IPPK: variants seen among roughly 807,000 people sequenced by gnomAD.
IPPK encodes the protein inositol-pentakisphosphate 2-kinase, also known as IPK1 homolog.
A neutral mutation model predicts 64.6 loss-of-function variants in IPPK; 22 were observed. The ratio of observed to expected loss-of-function variants is 0.34; its 90% confidence interval spans 0.24 to 0.49. The LOEUF is 0.49. IPPK is among the 20% of genes least tolerant of loss of function. The pLI is 0.99. For synonymous variants in IPPK, 262 were observed against 247.2 expected (o/e 1.06, Z -0.56); for missense variants, 532 against 630.7 (o/e 0.84, Z 1.68).
At chr9:92,629,666 C>T (rs1316727596) in intron 11 of IPPK, among the ~76,000 whole-genome samples, 1 of 146,056 alleles carries the variant, frequency 6.8e-6, no homozygotes, top group Non-Finnish European at 1.5e-5. Context: ...TGAGATTGCA[C>T]TACTGCACTT....
chr9:92,656,223 C>T (rs1023362014), intron 3 of IPPK, among the ~76,000 whole-genome samples: 4 of 152,214 alleles, frequency 2.6e-5, no homozygotes, highest in African/African-American at 9.6e-5. Flanking sequence ...CTGGCAGAGA[C>T]GGGCCCTGGA....
At position 92,638,115 on chromosome 9, in the gene IPPK, C is replaced by T; in HGVS notation, c.802G>A (p.Val268Met). ...CCCTTGTCCGAGCCACTCAGCAGCA[C>T]CCGTGTGATCACGTGCACCAGCTCC... ...IRELVHVITR[V>M]LLSGSDKGRA... The change falls in exon 9 of 13, where the codon GTG becomes ATG. Residue 268 changes from valine (V) to methionine (M), a missense_variant. Transcript: ENST00000287996. 6.2e-7 allele frequency: 1 copy of T among 1,614,108 alleles called. No homozygotes were observed. Among genetic ancestry groups the T allele is most frequent in the Non-Finnish European group, 8.5e-7 (1 of 1,180,008 alleles).
chr9:92,649,331 A>T (rs1852210372), intron 5 of IPPK, 122 bp downstream of exon 5: 1 of 1,134,834 alleles, frequency 8.8e-7, no homozygotes, highest in Non-Finnish European at 1.3e-6. Context: ...AGTTTCCAGG[A>T]GCCAAGGGTG....
At chr9:92,632,131 CAT>C (rs1034416945) in intron 11 of IPPK, among the ~76,000 whole-genome samples, 4 of 152,194 alleles carry the variant, frequency 2.6e-5, no homozygotes, top group Admixed American at 6.5e-5. Flanking sequence ...CGTGGAAAGA[CAT>C]GTGGGTGGTT....
intron 11 of IPPK, among the ~76,000 whole-genome samples, chr9:92,624,627 C>CT (rs1005362981): frequency 3.3e-5 from 5 of 152,088 alleles, no homozygotes; most frequent in African/African-American, 1.2e-4. Context: ...AAATGAAACT[C>CT]TGTCTCAAAA....
At chr9:92,663,948 G>A (rs1419979974) in intron 1 of IPPK, among the ~76,000 whole-genome samples, 7 of 152,358 alleles carry the variant, frequency 4.6e-5, no homozygotes, top group African/African-American at 1.7e-4. Context: ...TAGAAGCAAT[G>A]CTCAGCTCCA....
rs1307957254 is a variant in IPPK, at chr9:92,635,267, G to A, written c.958C>T (p.Leu320Phe). The stretch of plus-strand genomic sequence containing the variant: ...TGCACCTGGAGGGTTTTGTACAGAA[G>A]ACAGCCCTTCGGTAACCCCGAGCGC... ...PERSGLPKGC[L>F]LYKTLQVQML... The change falls in exon 10 of 13, where the codon CTT becomes TTT. Residue 320 changes from leucine to phenylalanine, a missense_variant. Transcript: ENST00000287996. The surrounding 1 kb of genome is among the most constrained non-coding windows in gnomAD (Gnocchi z 4.4). 6.2e-7 allele frequency: 1 copy of A among 1,614,192 alleles called. No homozygotes were observed. Among genetic ancestry groups the A allele is most frequent in the Non-Finnish European group, 8.5e-7 (1 of 1,180,022 alleles).
intron 7 of IPPK, 45 bp from the exon 8 acceptor site, chr9:92,640,827 G>T: frequency 7.5e-7 from 1 of 1,334,332 alleles, no homozygotes. Flanking sequence ...AGCTGGAACT[G>T]ACCTGTCCCT....
intron 11 of IPPK, among the ~76,000 whole-genome samples, chr9:92,633,938 T>A (rs1851888644): frequency 6.6e-6 from 1 of 152,202 alleles, no homozygotes; most frequent in African/African-American, 2.4e-5. Context: ...CCAGTCCTCT[T>A]CCCTAAGAGA....
At position 92,634,431 on chromosome 9, in the gene IPPK, G is replaced by A; in HGVS notation, c.1125C>T (p.Asp375=). ...CTGTCCCGTCATCCTCAGTGGAAAG[G>A]TCAAGCAGCTTCTGGTAAAATGCTT... The part of the protein sequence containing the change: ...YDEAFYQKLL[D]LSTEDDGTVA... Residue 375 remains aspartate, a synonymous_variant, in exon 11 of 13, where the codon GAC becomes GAT. Coordinates refer to ENST00000287996, the MANE Select transcript of IPPK (RefSeq NM_022755.6). The A allele has an allele frequency of 2.5e-6, 4 of 1,614,178 alleles. No individual in the cohort carries two copies. Among genetic ancestry groups the A allele is most frequent in the Non-Finnish European group, 3.4e-6 (4 of 1,179,998 alleles).
intron 5 of IPPK, among the ~76,000 whole-genome samples, chr9:92,649,140 CA>C (rs1184881232): frequency 6.6e-6 from 1 of 152,228 alleles, no homozygotes; most frequent in African/African-American, 2.4e-5. Context: ...GAAAACGGGT[CA>C]GGGGGACCCA....
chr9:92,658,330 G>A (rs1852413994), intron 2 of IPPK, among the ~76,000 whole-genome samples: 1 of 152,156 alleles, frequency 6.6e-6, no homozygotes, highest in Non-Finnish European at 1.5e-5. Context: ...ATGGAACTCG[G>A]CAACGCAAAG....
In IPPK at chr9:92,635,195, G is replaced by T; in HGVS notation, c.1030C>A (p.Arg344=). 6.2e-7 allele frequency: 1 copy of T among 1,613,952 alleles called. No individual in the cohort carries two copies. The highest frequency in any genetic ancestry group is 1.1e-5 in the South Asian group (1 of 91,078). The change falls in exon 10 of 13, where the codon CGG becomes AGG. Residue 344 remains arginine, a synonymous_variant. Coordinates refer to ENST00000287996, the MANE Select transcript of IPPK (RefSeq NM_022755.6). This position sits in a 1 kb window ranked among gnomAD's most constrained non-coding sequence, Gnocchi z 4.4. Reference sequence around the variant, plus strand: ...AACTCTTCCAGGTATCGCTCAACCCGGTTGTACAGAGGGTAGAGGCCTTCG... The same window carrying T: ...AACTCTTCCAGGTATCGCTCAACCCTGTTGTACAGAGGGTAGAGGCCTTCG... ...DIEGLYPLYN[R]VERYLEEFPE... is the part of the protein sequence containing the mutation.
intron 11 of IPPK, among the ~76,000 whole-genome samples, chr9:92,633,253 C>T (rs1044496864): frequency 1.3e-5 from 2 of 152,108 alleles, no homozygotes; most frequent in South Asian, 4.2e-4. Context: ...CCTCATAATC[C>T]ACCCGCCTCA....
At position 92,634,400 on chromosome 9, in the gene IPPK, A is replaced by C. The variant is rs781184221; in HGVS notation, c.1156T>G (p.Phe386Val). 1 of 1,613,582 alleles carries C rather than the reference A, an allele frequency of 6.2e-7. No homozygotes were observed. ...GGTCTGCCCACCTTCGTTAGCGCGA[A>C]GGCCACTGTCCCGTCATCCTCAGTG... Reference protein sequence around the residue: ...LSTEDDGTVAFALTKVQQYRV... With the variant: ...LSTEDDGTVAVALTKVQQYRV... Residue 386 changes from phenylalanine (F) to valine (V), a missense_variant, in exon 11 of 13, where the codon TTC becomes GTC. Physicochemically the swap from Phe to Val is conservative, Grantham distance 50 (BLOSUM62 -1). Coordinates refer to ENST00000287996, the MANE Select transcript of IPPK (RefSeq NM_022755.6).
chr9:92,649,720 G>GAC, intron 4 of IPPK, 146 bp from the exon 5 acceptor site: 1 of 982,422 alleles, frequency 1.0e-6, no homozygotes. Flanking sequence ...GGGATTGTGG[G>GAC]ACACACACAG....
chr9:92,657,532 G>A (rs973806103), intron 2 of IPPK, among the ~76,000 whole-genome samples: 9 of 152,168 alleles, frequency 5.9e-5, no homozygotes, highest in Non-Finnish European at 1.2e-4. Context: ...CAGGCCTTGG[G>A]GGAGTCAAGG....
intron 1 of IPPK, among the ~76,000 whole-genome samples, chr9:92,663,431 G>A (rs1340689126): frequency 3.9e-5 from 6 of 152,180 alleles, no homozygotes; most frequent in African/African-American, 1.2e-4. Flanking sequence ...CTCTCAAAAT[G>A]CATCCCTGGT....
intron 9 of IPPK, among the ~76,000 whole-genome samples, chr9:92,637,193 G>A (rs1851958379): frequency 6.6e-6 from 1 of 151,926 alleles, no homozygotes; most frequent in African/African-American, 2.4e-5. Flanking sequence ...GTGCGCACCT[G>A]TACTCAGGAG....
Sources: gnomAD v4.1 joint callset for allele counts (sites outside exome capture counted in the v4.1 genomes callset) on GRCh38, gnomAD v4.1.1 for gene constraint, Gnocchi (gnomAD v3.1) non-coding constraint, MANE v1.5 for transcripts, NCBI Gene and HGNC (gene_info 2026-07-23, HGNC 2026-07-21) for gene names.